Variants in NSUN6 observed in about 807,000 individuals in gnomAD.
NSUN6 encodes tRNA (cytosine(72)-C(5))-methyltransferase NSUN6.
NSUN6 carries 64 observed loss-of-function variants against 58.0 expected under a neutral mutation model. The ratio of observed to expected loss-of-function variants is 1.10; its 90% CI spans 0.90 to 1.36. NSUN6 has a LOEUF of 1.36. Among genes scored for constraint, NSUN6 ranks in the 40% most tolerant of loss-of-function variants. NSUN6 has a pLI of 0.00. For synonymous variants in NSUN6, 231 were observed against 193.9 expected (o/e 1.19, Z -1.59); for missense variants, 701 against 550.1 (o/e 1.27, Z -2.74).
At chr10:18,612,499 T>C (rs2058273078) in intron 5 of NSUN6, among the ~76,000 whole-genome samples, 1 of 152,190 alleles carries the variant, frequency 6.6e-6, no homozygotes, top group Non-Finnish European at 1.5e-5. Flanking sequence ...ACAACTATTA[T>C]TGAAAATCTT....
At chr10:18,582,058 A>G (rs1218815153) in intron 8 of NSUN6, among the ~76,000 whole-genome samples, 1 of 152,030 alleles carries the variant, frequency 6.6e-6, no homozygotes, top group East Asian at 1.9e-4. Flanking sequence ...TTCCCTTACC[A>G]GCCGAAAGTC....
chr10:18,644,613 G>C (rs1272407722), intron 2 of NSUN6, among the ~76,000 whole-genome samples: 1 of 151,758 alleles, frequency 6.6e-6, no homozygotes, highest in Admixed American at 6.6e-5. Flanking sequence ...GAGGCGGGTG[G>C]ATCACGAGGT....
intron 8 of NSUN6, among the ~76,000 whole-genome samples, chr10:18,565,718 C>G (rs2055874541): frequency 6.7e-6 from 1 of 149,962 alleles, no homozygotes; most frequent in Non-Finnish European, 1.5e-5. Flanking sequence ...ATTCCATTCT[C>G]TATTATATTC....
chr10:18,654,986 G>A (rs898570156), upstream of NSUN6: 16 of 755,824 alleles, frequency 2.1e-5, no homozygotes, highest in South Asian at 1.2e-4. Context: ...TCTTGGATTG[G>A]TTCATCTTTA....
upstream of NSUN6, among the ~76,000 whole-genome samples, chr10:18,654,341 G>C (rs1384159642): frequency 1.3e-5 from 2 of 152,098 alleles, no homozygotes; most frequent in Non-Finnish European, 2.9e-5. Flanking sequence ...TGACAGACAT[G>C]CCTCTTTTAC....
At chr10:18,648,721 CTAAT>C (rs1476846675) in intron 1 of NSUN6, 76 bp from the exon 2 acceptor site, 2 of 776,860 alleles carry the variant, frequency 2.6e-6, no homozygotes, top group Non-Finnish European at 4.2e-6. Context: ...TTAATTCCAT[CTAAT>C]GAAACATCGC....
At chr10:18,591,586 T>C (rs1040745988) in intron 7 of NSUN6, among the ~76,000 whole-genome samples, 1 of 152,126 alleles carries the variant, frequency 6.6e-6, no homozygotes, top group South Asian at 2.1e-4. Flanking sequence ...TCAAAAAACG[T>C]AATCCATCAC....
intron 3 of NSUN6, among the ~76,000 whole-genome samples, chr10:18,623,654 A>C (rs755068156): frequency 2.6e-5 from 4 of 152,232 alleles, no homozygotes; most frequent in Non-Finnish European, 5.9e-5. Context: ...ATAACCAGAC[A>C]ATGTGTTATT....
At chr10:18,658,520 A>C (rs137985578), upstream of NSUN6, 280 of 198,552 alleles carry the variant, frequency 1.4e-3, 1 homozygote, top group African/African-American at 6.0e-3. Flanking sequence ...AGTGGAATTG[A>C]AAACAATTAC....
chr10:18,620,166 C>A (rs1290624206), intron 3 of NSUN6, among the ~76,000 whole-genome samples: 1 of 151,688 alleles, frequency 6.6e-6, no homozygotes, highest in Non-Finnish European at 1.5e-5. Flanking sequence ...TGGCTCGCTG[C>A]AAGCTCCACC....
rs1172624321 is a variant in NSUN6, at chr10:18,556,464, GAGAATGGAAT to G, written c.923-4503_923-4494del. On this transcript the variant is annotated intron_variant, in intron 8 of 10. Coordinates refer to ENST00000377304, the MANE Select transcript of NSUN6 (RefSeq NM_182543.5). ...ATGGAATGCAGAATGGGATGAAATGGAGAATGGAATGGAATGGAATGGAGAATGGAATAGA... is the reference window on the plus strand; with the variant it reads ...ATGGAATGCAGAATGGGATGAAATGGGGAATGGAATGGAGAATGGAATAGA... Among the ~76,000 whole-genome samples the G allele has an allele frequency of 1.7e-4, 26 of 150,604 alleles. No homozygotes were observed. In the Admixed American group the frequency reaches 1.7e-3, roughly 10 times the overall value.
intron 3 of NSUN6, among the ~76,000 whole-genome samples, chr10:18,635,308 G>A (rs145555353): frequency 3.0e-4 from 46 of 152,250 alleles, no homozygotes; most frequent in African/African-American, 1.1e-3. Context: ...ATGCTTTCAT[G>A]TAATAAACCT....
chr10:18,648,534 A>T lies in NSUN6; in HGVS notation c.187T>A (p.Ser63Thr), dbSNP rs780428254. The T allele has an allele frequency of 6.2e-7, 1 of 1,608,188 alleles. No individual in the cohort carries two copies. The highest frequency in any genetic ancestry group is 8.5e-7 in the Non-Finnish European group (1 of 1,175,180). The change falls in exon 2 of 11, where the codon TCA becomes ACA. Residue 63 changes from serine (S) to threonine (T), a missense_variant. Transcript: ENST00000377304. ...TTVRVNTHLASVQHVKNLLLD... is the reference protein window; with the variant it reads ...TTVRVNTHLATVQHVKNLLLD... ...AACAGATTTTTCACATGTTGTACTG[A>T]GGCTAAATGTGTATTCACTCTGACA...
At chr10:18,605,826 T>C (rs2058028287) in intron 6 of NSUN6, among the ~76,000 whole-genome samples, 1 of 152,146 alleles carries the variant, frequency 6.6e-6, no homozygotes, top group Non-Finnish European at 1.5e-5. Context: ...AGTTTTCTTA[T>C]GACAGGGATC....
chr10:18,593,736 T>C (rs2131184730), intron 7 of NSUN6, among the ~76,000 whole-genome samples: 1 of 152,160 alleles, frequency 6.6e-6, no homozygotes, highest in South Asian at 2.1e-4. Context: ...AGGGATAGCA[T>C]TAGGAAAAAT....
intron 10 of NSUN6, 34 bp downstream of exon 10, chr10:18,548,078 C>T (rs2054389959): frequency 6.2e-7 from 1 of 1,606,066 alleles, no homozygotes; most frequent in African/African-American, 1.3e-5. Flanking sequence ...TGTGATTTAT[C>T]TTATTACACA....
At chr10:18,572,955 CCATTCTCCATTCCATTT>C (rs1248925088) in intron 8 of NSUN6, among the ~76,000 whole-genome samples, 4 of 151,548 alleles carry the variant, frequency 2.6e-5, no homozygotes, top group Admixed American at 6.6e-5. Flanking sequence ...CCATTCCATT[CCATTCTCCATTCCATTT>C]CATTCTCCAT....
At chr10:18,622,301 C>T (rs2058637569) in intron 3 of NSUN6, among the ~76,000 whole-genome samples, 1 of 152,154 alleles carries the variant, frequency 6.6e-6, no homozygotes, top group South Asian at 2.1e-4. Context: ...CTATCTGCAT[C>T]GCAGAAGAGG....
chr10:18,617,170 T>C (rs973421619), intron 3 of NSUN6, among the ~76,000 whole-genome samples: 10 of 150,778 alleles, frequency 6.6e-5, no homozygotes, highest in Admixed American at 2.0e-4. Context: ...CAAATTCTAA[T>C]GTTTAGCCTT....
Sources: allele counts gnomAD v4.1 joint callset (sites outside exome capture counted in the v4.1 genomes callset), GRCh38; gene constraint gnomAD v4.1.1; transcripts MANE v1.5; gene names NCBI Gene and HGNC (gene_info 2026-07-23, HGNC 2026-07-21).